Variants in CNPY3 observed in about 807,000 individuals in gnomAD.
The protein encoded by CNPY3 is canopy FGF signaling regulator 3, also known as protein canopy homolog 3.
In CNPY3, 20 loss-of-function variants were observed where a neutral mutation model predicts 32.0. That is an observed-to-expected ratio of 0.63 (90% CI 0.44 to 0.91). The LOEUF (loss-of-function observed/expected upper bound fraction) is 0.91. CNPY3 is among the 40% of genes least tolerant of loss of function. The probability of loss-of-function intolerance (pLI) is 0.00; values close to 1 mark genes in which losing one functional copy is unlikely to be tolerated. For missense variants in CNPY3, 299 were observed against 340.8 expected, an observed-to-expected ratio of 0.88 and a Z score of 0.97; for synonymous variants, 138 against 142.9, an observed-to-expected ratio of 0.97 and a Z score of 0.24.
At position 42,937,740 on chromosome 6, in the gene CNPY3, A is replaced by G. The variant is rs1418902786; in HGVS notation, c.396A>G (p.Thr132=). 7.4e-6 allele frequency: 12 copies of G among 1,613,996 alleles called. 1 individual carries two copies. Among genetic ancestry groups the G allele is most frequent in the South Asian group, 6.6e-5 (6 of 91,088 alleles). ...AGGGCATGTCAGAGACCTTTGAGAC[A>G]TTACACAACCTGGTACACAAAGGGG... ...FAKGMSETFE[T]LHNLVHKGVK... is the part of the protein sequence containing the mutation. Residue 132 remains threonine, a synonymous_variant, in exon 4 of 6, where the codon ACA becomes ACG. Transcript: ENST00000372836.
intron 3 of CNPY3, among the ~76,000 whole-genome samples, chr6:42,937,508 C>T (rs939551167): frequency 2.6e-5 from 4 of 151,912 alleles, no homozygotes; most frequent in Admixed American, 6.6e-5. Context: ...GCAGGAAAAT[C>T]GCTTGAACCT....
At chr6:42,933,352 G>C (rs143284557) in intron 1 of CNPY3, among the ~76,000 whole-genome samples, 3 of 152,308 alleles carry the variant, frequency 2.0e-5, no homozygotes, top group Non-Finnish European at 4.4e-5. Context: ...AGGGGACCTT[G>C]TTTTCATCTC....
intron 3 of CNPY3, among the ~76,000 whole-genome samples, chr6:42,936,399 A>T (rs1345516249): frequency 6.6e-6 from 1 of 152,244 alleles, no homozygotes; most frequent in Non-Finnish European, 1.5e-5. Flanking sequence ...GCAGGAAAAA[A>T]ATGAGAAACA....
chr6:42,933,637 C>G (rs112680467), intron 1 of CNPY3, among the ~76,000 whole-genome samples: 6 of 152,180 alleles, frequency 3.9e-5, no homozygotes, highest in African/African-American at 1.4e-4. Context: ...CATAATTGTT[C>G]TATGGTTATG....
chr6:42,935,955 C>T (rs768365729), intron 3 of CNPY3, among the ~76,000 whole-genome samples: 6 of 150,244 alleles, frequency 4.0e-5, no homozygotes, highest in Non-Finnish European at 7.4e-5. Flanking sequence ...GACACTAGAA[C>T]GGGGAGAACT....
At chr6:42,931,900 T>C (rs1160775125) in intron 1 of CNPY3, among the ~76,000 whole-genome samples, 2 of 151,818 alleles carry the variant, frequency 1.3e-5, no homozygotes. Context: ...ATTTTTGTAT[T>C]TTTGTAGAGA....
At chr6:42,929,826 G>A in intron 1 of CNPY3, 105 bp downstream of exon 1, 5 of 1,320,222 alleles carry the variant, frequency 3.8e-6, no homozygotes, top group Admixed American at 5.4e-5. Flanking sequence ...GCTCTGCAGG[G>A]TGTCTTCCTT....
At chr6:42,932,156 C>T (rs1030935226) in intron 1 of CNPY3, among the ~76,000 whole-genome samples, 1 of 152,214 alleles carries the variant, frequency 6.6e-6, no homozygotes, top group Non-Finnish European at 1.5e-5. Context: ...CCCAGGATCT[C>T]TATATCTCTA....
At chr6:42,932,457 C>G (rs900739573) in intron 1 of CNPY3, among the ~76,000 whole-genome samples, 1 of 152,008 alleles carries the variant, frequency 6.6e-6, no homozygotes, top group Admixed American at 6.5e-5. Context: ...GTGTCTGTGC[C>G]GTGAATCTCC....
In CNPY3 at chr6:42,938,921, A is replaced by T. The variant is rs1768425757; in HGVS notation, c.*130A>T. 6.3e-6 allele frequency: 9 copies of T among 1,432,052 alleles called. No homozygotes were observed. The South Asian group carries it at 1.3e-4, about 20-fold the overall frequency. The allele number at this position is 1,432,052 out of a possible 1,614,324, so 88.7% of individuals were successfully genotyped here. The stretch of plus-strand genomic sequence containing the variant: ...TGCCTTGGCTGTGCCCTCTTCTGCC[A>T]AGGAAAGACACAAGCCCCAGGAAGA... On this transcript the variant is annotated 3_prime_UTR_variant, in exon 6 of 6. Transcript: ENST00000372836.
chr6:42,938,325 TGAAAG>T (rs974674561), intron 5 of CNPY3, 118 bp downstream of exon 5: 68 of 864,688 alleles, frequency 7.9e-5, no homozygotes, highest in Non-Finnish European at 1.3e-4. Context: ...TCTCTGCCCT[TGAAAG>T]GCTTGATTGG....
intron 3 of CNPY3, among the ~76,000 whole-genome samples, chr6:42,936,811 C>T (rs1229581501): frequency 6.6e-6 from 1 of 152,186 alleles, no homozygotes; most frequent in Non-Finnish European, 1.5e-5. Context: ...GCTGGGATTA[C>T]AGGCATGAGC....
At chr6:42,933,755 G>T (rs1359872960) in intron 1 of CNPY3, among the ~76,000 whole-genome samples, 1 of 152,166 alleles carries the variant, frequency 6.6e-6, no homozygotes, top group Non-Finnish European at 1.5e-5. Flanking sequence ...TGTATATATT[G>T]TTGAGATATT....
intron 1 of CNPY3, among the ~76,000 whole-genome samples, chr6:42,934,205 A>G (rs919593912): frequency 6.6e-6 from 1 of 152,220 alleles, no homozygotes; most frequent in African/African-American, 2.4e-5. Flanking sequence ...GATTTACAGT[A>G]AGTACATGCT....
At position 42,939,036 on chromosome 6, in the gene CNPY3, T is replaced by G; in HGVS notation, c.*245T>G. The G allele has an allele frequency of 7.7e-7, 1 of 1,299,354 alleles. No homozygotes were observed. Among genetic ancestry groups the G allele is most frequent in the Non-Finnish European group, 9.8e-7 (1 of 1,023,152 alleles). 80.5% of individuals were successfully genotyped at this position (1,299,354 alleles called of 1,614,324 possible). ...CAGGGTTCAGGCAGGCCTTGTGGTT[T>G]CAGGACTGCAAGGACTCCAGTGTGA... On this transcript the variant is annotated 3_prime_UTR_variant, in exon 6 of 6. Coordinates refer to ENST00000372836, the MANE Select transcript of CNPY3 (RefSeq NM_006586.5).
chr6:42,937,207 G>T (rs1042466502), intron 3 of CNPY3, among the ~76,000 whole-genome samples: 4 of 152,162 alleles, frequency 2.6e-5, no homozygotes, highest in Non-Finnish European at 5.9e-5. Flanking sequence ...CCTGAGGGCA[G>T]CCGCAGGTCT....
upstream of CNPY3, among the ~76,000 whole-genome samples, chr6:42,928,802 G>A (rs936550925): frequency 6.6e-6 from 1 of 152,150 alleles, no homozygotes; most frequent in Non-Finnish European, 1.5e-5. Context: ...TGCTCGATAA[G>A]CTTTAATTCT....
At chr6:42,930,694 ATC>A in intron 1 of CNPY3, among the ~76,000 whole-genome samples, 1 of 152,140 alleles carries the variant, frequency 6.6e-6, no homozygotes, top group South Asian at 2.1e-4. Flanking sequence ...TTGGCTGTGA[ATC>A]TCTCATCTGA....
rs751395318 is a variant in CNPY3, at chr6:42,938,632, CAAG to C, written c.686_688del (p.Lys229del). 13 of 1,610,914 alleles carry C rather than the reference CAAG, an allele frequency of 8.1e-6. 1 individual carries two copies. Among genetic ancestry groups the C allele is most frequent in the South Asian group, 7.7e-5 (7 of 90,406 alleles). On this transcript the variant is annotated inframe_deletion, in exon 6 of 6. Coordinates refer to ENST00000372836, the MANE Select transcript of CNPY3 (RefSeq NM_006586.5). ...CAGCTGCCCTGGGAGGGAAGAAGTC[CAAG>C]AAGAAGAGCAGCAGGGCCAAGGCAG...
Sources: allele counts gnomAD v4.1 joint callset (sites outside exome capture counted in the v4.1 genomes callset), GRCh38; gene constraint gnomAD v4.1.1; transcripts MANE v1.5; gene names NCBI Gene and HGNC (gene_info 2026-07-23, HGNC 2026-07-21).